UGGT1: variants seen among roughly 807,000 people sequenced by gnomAD.
UGGT1 encodes the protein UDP-glucose:glycoprotein glucosyltransferase 1.
UGGT1 carries 107 observed loss-of-function variants against 203.9 expected under a neutral mutation model. That is an observed-to-expected ratio of 0.52 (90% confidence interval 0.45 to 0.62). The LOEUF is 0.62. UGGT1 is among the 20% of genes least tolerant of loss of function. The probability of loss-of-function intolerance (pLI) is 0.00; values close to 1 mark genes in which losing one functional copy is unlikely to be tolerated. For missense variants in UGGT1, 1,673 were observed against 1,867.2 expected, an observed-to-expected ratio of 0.90 and a Z score of 1.92; for synonymous variants, 628 against 653.5, an observed-to-expected ratio of 0.96 and a Z score of 0.59.
intron 12 of UGGT1, among the ~76,000 whole-genome samples, chr2:128,127,996 C>G (rs1239510982): frequency 6.6e-6 from 1 of 152,004 alleles, no homozygotes; most frequent in Admixed American, 6.6e-5. Context: ...ATCACTTGAA[C>G]CTGGGAGGCG....
At chr2:128,142,157 A>G (rs1375481603) in intron 16 of UGGT1, among the ~76,000 whole-genome samples, 1 of 151,800 alleles carries the variant, frequency 6.6e-6, no homozygotes, top group Non-Finnish European at 1.5e-5. Flanking sequence ...GCTGTTCTCG[A>G]ACTCCTGACC....
intron 19 of UGGT1, among the ~76,000 whole-genome samples, chr2:128,155,276 A>G (rs1244787350): frequency 2.0e-5 from 3 of 152,176 alleles, no homozygotes; most frequent in Admixed American, 2.0e-4. Flanking sequence ...GCTGTGTGAG[A>G]TATGTATGTT....
intron 25 of UGGT1, among the ~76,000 whole-genome samples, chr2:128,162,088 G>A (rs953065273): frequency 1.3e-5 from 2 of 152,092 alleles, no homozygotes; most frequent in African/African-American, 4.8e-5. Context: ...ATGAAGTGCT[G>A]TCTCCTTGTG....
At chr2:128,174,960 A>G in intron 31 of UGGT1, 102 bp downstream of exon 31, 2 of 969,216 alleles carry the variant, frequency 2.1e-6, no homozygotes, top group Non-Finnish European at 3.1e-6. Context: ...ACATGAATTT[A>G]ATTTGCAGTT....
At chr2:128,115,401 A>G (rs1453483610) in intron 7 of UGGT1, among the ~76,000 whole-genome samples, 181 bp downstream of exon 7, 1 of 151,280 alleles carries the variant, frequency 6.6e-6, no homozygotes, top group Admixed American at 6.6e-5. Context: ...TCTCTTGTGT[A>G]AAGTACAGGT....
intron 15 of UGGT1, 84 bp from the exon 16 acceptor site, chr2:128,138,633 A>G (rs1173904666): frequency 1.4e-6 from 2 of 1,480,538 alleles, no homozygotes; most frequent in Admixed American, 2.0e-5. Context: ...GCTATAATGT[A>G]TGAGAAGGGT....
chr2:128,171,500 A>G, intron 28 of UGGT1: 1 of 502,630 alleles, frequency 2.0e-6, no homozygotes, highest in Non-Finnish European at 3.5e-6. Context: ...GGCTGCTTGC[A>G]TTTGTGCCTT....
At chr2:128,150,519 G>C (rs1689896710) in intron 18 of UGGT1, among the ~76,000 whole-genome samples, 1 of 152,060 alleles carries the variant, frequency 6.6e-6, no homozygotes, top group Admixed American at 6.6e-5. Context: ...ATACACCCCT[G>C]TGCTGTACTA....
intron 40 of UGGT1, among the ~76,000 whole-genome samples, chr2:128,188,435 T>A (rs547906107): frequency 6.6e-6 from 1 of 152,312 alleles, no homozygotes; most frequent in Admixed American, 6.5e-5. Context: ...TTCCCTGTTG[T>A]GTGTGTCTTG....
chr2:128,147,082 C>G (rs1419440107), intron 18 of UGGT1, among the ~76,000 whole-genome samples: 1 of 152,200 alleles, frequency 6.6e-6, no homozygotes, highest in Non-Finnish European at 1.5e-5. Context: ...GTTTACATCC[C>G]AGAAACTAGG....
At chr2:128,186,443 G>C (rs1399476728) in intron 38 of UGGT1, among the ~76,000 whole-genome samples, 1 of 151,942 alleles carries the variant, frequency 6.6e-6, no homozygotes, top group Non-Finnish European at 1.5e-5. Context: ...CGCATCTCTA[G>C]TAAAAATACA....
chr2:128,110,280 A>G (rs1340462149), intron 5 of UGGT1, among the ~76,000 whole-genome samples: 2 of 152,192 alleles, frequency 1.3e-5, no homozygotes, highest in African/African-American at 4.8e-5. Flanking sequence ...CTAGGGCAGC[A>G]AGCCCTCTGT....
At chr2:128,156,322 A>AT in intron 20 of UGGT1, 70 bp from the exon 21 acceptor site, 1 of 1,245,704 alleles carries the variant, frequency 8.0e-7, no homozygotes. Flanking sequence ...TAGACTTTCA[A>AT]TTTTTACAGT....
At chr2:128,128,175 A>G (rs1337651620) in intron 12 of UGGT1, among the ~76,000 whole-genome samples, 1 of 152,212 alleles carries the variant, frequency 6.6e-6, no homozygotes, top group Non-Finnish European at 1.5e-5. Context: ...GTGGTTCAGT[A>G]TTAAATTGCA....
In UGGT1 at chr2:128,159,739, C is replaced by A; in HGVS notation, c.2562+19C>A. 6.2e-7 allele frequency: 1 copy of A among 1,609,002 alleles called. No homozygotes were observed. Among genetic ancestry groups the A allele is most frequent in the South Asian group, 1.1e-5 (1 of 90,650 alleles). On this transcript the variant is annotated intron_variant, in intron 23 of 40. Coordinates refer to ENST00000259253, the MANE Select transcript of UGGT1 (RefSeq NM_020120.4). ...TGTTGGGGTAAGGCTCTGAGCCTCT[C>A]ATGAGGCTGCCCCATTTTGTCTGCC...
rs370693796 is a variant in UGGT1 at position 128,108,760 on chromosome 2, C to T, written c.408+692C>T. The stretch of plus-strand genomic sequence containing the variant: ...CAAGAAGCAGGACTTAGTCTGGCAC[C>T]ATGGAAAGCCCTCCGTGTACTTTGT... On this transcript the variant is annotated intron_variant, in intron 4 of 40. Transcript: ENST00000259253. Among the ~76,000 whole-genome samples, 4 of 152,116 alleles carry T rather than the reference C, an allele frequency of 2.6e-5. No individual in the cohort carries two copies. In the East Asian group the frequency reaches 7.7e-4, roughly 29 times the overall value.
intron 27 of UGGT1, 92 bp from the exon 28 acceptor site, chr2:128,171,113 A>G: frequency 9.3e-6 from 11 of 1,180,464 alleles, no homozygotes; most frequent in Non-Finnish European, 1.2e-5. Context: ...TTATCTTTAT[A>G]TCTTTTCTTG....
chr2:128,173,716 A>T lies in UGGT1; in HGVS notation c.3295-65A>T. On this transcript the variant is annotated intron_variant, in intron 29 of 40. Transcript: ENST00000259253. The stretch of plus-strand genomic sequence containing the variant: ...TTTGTCTGCTTCCTTTACTTTGCAT[A>T]ATGCATTTCAGATTTATTCATGTTG... The T allele has an allele frequency of 3.2e-6, 5 of 1,562,294 alleles. No individual in the cohort carries two copies. In the South Asian group the frequency reaches 5.7e-5, roughly 18 times the overall value.
intron 26 of UGGT1, among the ~76,000 whole-genome samples, chr2:128,166,061 G>T (rs1387116491): frequency 6.6e-6 from 1 of 152,174 alleles, no homozygotes; most frequent in Non-Finnish European, 1.5e-5. Flanking sequence ...AATAAGCTTA[G>T]CATAGTGAGG....
Sources: gnomAD v4.1 joint callset for allele counts (sites outside exome capture counted in the v4.1 genomes callset) on GRCh38, gnomAD v4.1.1 for gene constraint, MANE v1.5 for transcripts, NCBI Gene and HGNC (gene_info 2026-07-23, HGNC 2026-07-21) for gene names.